Variants in TRPM1 observed in about 807,000 individuals in gnomAD.
The protein encoded by TRPM1 is transient receptor potential cation channel subfamily M member 1, also known as TRPM1-203 APA Isoform, Intron 10.
In TRPM1, 113 loss-of-function variants were observed where a neutral mutation model predicts 149.4. The observed-to-expected ratio is 0.76, with a 90% confidence interval of 0.65 to 0.88. The LOEUF is 0.88. Ranked by LOEUF, TRPM1 falls within the 40% of genes least tolerant of loss-of-function variation. The probability of loss-of-function intolerance (pLI) is 0.00; values close to 1 mark genes in which losing one functional copy is unlikely to be tolerated. For synonymous variants in TRPM1, 741 were observed against 759.5 expected, an observed-to-expected ratio of 0.98 and a Z score of 0.40; for missense variants, 1,976 against 2,038.7, an observed-to-expected ratio of 0.97 and a Z score of 0.59.
intron 1 of TRPM1, among the ~76,000 whole-genome samples, chr15:31,150,675 C>T (rs1274510074): frequency 6.6e-6 from 1 of 152,096 alleles, no homozygotes; most frequent in African/African-American, 2.4e-5. Context: ...ACCTCGTGAT[C>T]CACCCGCCTC....
At chr15:31,159,395 T>G (rs984954117) in intron 1 of TRPM1, among the ~76,000 whole-genome samples, 1 of 152,128 alleles carries the variant, frequency 6.6e-6, no homozygotes, top group Non-Finnish European at 1.5e-5. Flanking sequence ...GCCAGCTTTG[T>G]GCTGGGGAGG....
chr15:31,035,288 GCAC>G (rs1239755922), intron 21 of TRPM1, among the ~76,000 whole-genome samples: 2 of 152,184 alleles, frequency 1.3e-5, no homozygotes, highest in Admixed American at 1.3e-4. Flanking sequence ...TTACAGGCGT[GCAC>G]CACCACGACT....
chr15:31,057,144 C>A (rs560411279), intron 11 of TRPM1, among the ~76,000 whole-genome samples: 6 of 152,112 alleles, frequency 3.9e-5, no homozygotes, highest in African/African-American at 1.4e-4. Flanking sequence ...ACTCATGGGG[C>A]TTTGAAAGAT....
At chr15:31,146,785 G>A (rs965637532) in intron 1 of TRPM1, among the ~76,000 whole-genome samples, 3 of 152,108 alleles carry the variant, frequency 2.0e-5, no homozygotes, top group African/African-American at 4.8e-5. Context: ...TCAGGAGTTC[G>A]AGACCAGCCT....
intron 1 of TRPM1, among the ~76,000 whole-genome samples, chr15:31,115,250 T>A (rs2035783320): frequency 6.6e-6 from 1 of 152,094 alleles, no homozygotes; most frequent in Non-Finnish European, 1.5e-5. Flanking sequence ...AGAGCAAGAC[T>A]CTGTCTAAAA....
In TRPM1 at chr15:31,137,207, G is replaced by A. The variant is rs954240863; in HGVS notation, c.54+23699C>T. On this transcript the variant is annotated intron_variant, in intron 1 of 26. Transcript: ENST00000542188. ...TAACTGATAACAGTGGCAGTAAGTGGTTATTACTGGAGGGATCCTCTTTAT... is the reference window on the plus strand; with the variant it reads ...TAACTGATAACAGTGGCAGTAAGTGATTATTACTGGAGGGATCCTCTTTAT... Among the ~76,000 whole-genome samples the A allele has an allele frequency of 5.3e-5, 8 of 152,308 alleles. No homozygotes were observed. The South Asian group carries it at 1.4e-3, about 28-fold the overall frequency.
intron 1 of TRPM1, among the ~76,000 whole-genome samples, chr15:31,126,240 A>G (rs1032671244): frequency 6.6e-6 from 1 of 152,248 alleles, no homozygotes; most frequent in Non-Finnish European, 1.5e-5. Context: ...CACATCTTTC[A>G]CAGTAATTGA....
Position 31,035,615 on chromosome 15 carries a change from G to C in TRPM1, c.2631C>G (p.Gly877=), listed in dbSNP as rs150735353. 1.9e-4 allele frequency: 309 copies of C among 1,614,200 alleles called. 2 individuals carry two copies. The East Asian group carries it at 6.7e-3, about 35-fold the overall frequency. ...FNYVILVRMD[G]WPSLQEWIVI... ...CGATCCACTCCTGGAGGGACGGCCA[G>C]CCATCCATCCGCACCAGGATGACGT... The change falls in exon 21 of 28, where the codon GGC becomes GGG. Residue 877 remains glycine, a synonymous_variant. Coordinates refer to ENST00000256552, the MANE Select transcript of TRPM1 (RefSeq NM_001252024.2).
Position 31,002,448 on chromosome 15 carries a change from G to A in TRPM1, c.4252C>T (p.Gln1418Ter). The A allele has an allele frequency of 6.2e-7, 1 of 1,614,176 alleles. No homozygotes were observed. Among genetic ancestry groups the A allele is most frequent in the South Asian group, 1.1e-5 (1 of 91,084 alleles). ...VIHGQDKSDV[Q>*]NTQLTVETTN... Reference sequence around the variant, plus strand: ...GTTTCCACTGTTAGCTGAGTGTTTTGAACATCTGATTTGTCCTGTCCATGT... The same window carrying A: ...GTTTCCACTGTTAGCTGAGTGTTTTAAACATCTGATTTGTCCTGTCCATGT... Residue 1418 changes from glutamine to a stop codon, truncating the protein, a stop_gained, in exon 28 of 28, where the codon CAA (glutamine) becomes TAA (stop). Coordinates refer to ENST00000256552, the MANE Select transcript of TRPM1 (RefSeq NM_001252024.2). LOFTEE classifies it low-confidence loss of function (END_TRUNC).
At chr15:31,076,873 G>A (rs968393147) in intron 3 of TRPM1, 32 bp downstream of exon 3, 1 of 1,489,862 alleles carries the variant, frequency 6.7e-7, no homozygotes, top group African/African-American at 1.4e-5. Flanking sequence ...GCACTGGTTT[G>A]GATAATGTCT....
rs111297453 is a variant in TRPM1 at position 31,137,274 on chromosome 15, C to T, written c.54+23632G>A. Among the ~76,000 whole-genome samples the T allele has an allele frequency of 3.4e-3, 512 of 152,266 alleles. 1 individual carries two copies. Among genetic ancestry groups the T allele is most frequent in the African/African-American group, 0.011 (439 of 41,546 alleles). ...GGTGAGGTCTCAGAGCAAAAGTCAT[C>T]GTGGCTCTGAGATACCCAAGAGCCA... On this transcript the variant is annotated intron_variant, in intron 1 of 26. Transcript: ENST00000542188.
At chr15:31,108,773 C>G (rs2035643438) in intron 1 of TRPM1, among the ~76,000 whole-genome samples, 2 of 152,238 alleles carry the variant, frequency 1.3e-5, no homozygotes, top group Non-Finnish European at 2.9e-5. Context: ...GGATTATAGG[C>G]ATGAGCCACC....
upstream of TRPM1, among the ~76,000 whole-genome samples, chr15:31,104,848 C>A (rs1035245913): frequency 1.3e-5 from 2 of 152,078 alleles, no homozygotes; most frequent in Non-Finnish European, 2.9e-5. Flanking sequence ...CCCACCCTGG[C>A]CTCCCAAAGT....
intron 1 of TRPM1, among the ~76,000 whole-genome samples, chr15:31,131,840 C>G (rs2036020142): frequency 6.6e-6 from 1 of 151,710 alleles, no homozygotes; most frequent in South Asian, 2.1e-4. Context: ...CCCTGCTGCC[C>G]CCTCTCTGGG....
rs186564399 is a variant in TRPM1 at position 31,084,972 on chromosome 15, A to G, written c.-83-3534T>C. The stretch of plus-strand genomic sequence containing the variant: ...CCAAAGTGCTGGGATTACAGGTATG[A>G]GCTGCCGTGCCCAGCCAACATTTTT... On this transcript the variant is annotated intron_variant, in intron 1 of 27. Transcript: ENST00000256552. Among the ~76,000 whole-genome samples, 36 of 151,844 alleles carry G rather than the reference A, an allele frequency of 2.4e-4. No homozygotes were observed. In the East Asian group the frequency reaches 5.4e-3, roughly 23 times the overall value.
chr15:31,005,942 A>G (rs7161796), intron 27 of TRPM1, among the ~76,000 whole-genome samples: 37,351 of 152,152 alleles, frequency 0.25, 4,951 homozygotes, highest in Non-Finnish European at 0.29. Flanking sequence ...TACACATTGA[A>G]TGGCATAAAA....
intron 1 of TRPM1, among the ~76,000 whole-genome samples, chr15:31,109,333 C>CAAAAAAAAAAAAAAAAAAAA (rs36072024): frequency 1.9e-4 from 6 of 32,300 alleles, no homozygotes; most frequent in Non-Finnish European, 3.0e-4. Context: ...GACTCTGCCT[C>CAAAAAAAAAAAAAAAAAAAA]AAAAAAAAAA....
chr15:31,040,307 G>A lies in TRPM1; in HGVS notation c.2127C>T (p.Ser709=). The change falls in exon 18 of 28, where the codon TCC becomes TCT. Residue 709 remains serine (S), a synonymous_variant. Transcript: ENST00000256552. This position sits in a 1 kb window ranked among gnomAD's most constrained non-coding sequence, Gnocchi z 4.2. ...TAGCGATCTGCTCGTCATGCTTATA[G>A]GACTGGTCTAATAACTCCAAAGCAA... The part of the protein sequence containing the change: ...GQLALELLDQ[S]YKHDEQIAMK... 6.2e-7 allele frequency: 1 copy of A among 1,614,196 alleles called. No homozygotes were observed. Among genetic ancestry groups the A allele is most frequent in the Non-Finnish European group, 8.5e-7 (1 of 1,180,040 alleles).
At chr15:31,029,823 A>C (rs1172670822) in intron 23 of TRPM1, among the ~76,000 whole-genome samples, 3 of 152,170 alleles carry the variant, frequency 2.0e-5, no homozygotes, top group Non-Finnish European at 4.4e-5. Context: ...CCTACATTTA[A>C]TTATGTTACT....
Sources: gnomAD v4.1 joint callset for allele counts (sites outside exome capture counted in the v4.1 genomes callset) on GRCh38, gnomAD v4.1.1 for gene constraint, Gnocchi (gnomAD v3.1) non-coding constraint, MANE v1.5 for transcripts, NCBI Gene and HGNC (gene_info 2026-07-23, HGNC 2026-07-21) for gene names.